Variants in PCDHA12 observed in about 807,000 individuals in gnomAD.
The protein encoded by PCDHA12 is protocadherin alpha-12.
PCDHA12 carries 44 observed loss-of-function variants against 60.0 expected under a neutral mutation model. The observed-to-expected ratio is 0.73, with a 90% confidence interval of 0.58 to 0.94. The LOEUF is 0.94. Ranked by LOEUF, PCDHA12 falls within the 40% of genes least tolerant of loss-of-function variation. PCDHA12 has a pLI of 0.00. For missense variants in PCDHA12, 1,276 were observed against 1,239.7 expected (o/e 1.03, Z -0.44); for synonymous variants, 569 against 553.0 (o/e 1.03, Z -0.40).
chr5:140,997,349 G>A (rs954510019), intron 3 of PCDHA12, among the ~76,000 whole-genome samples: 3 of 152,256 alleles, frequency 2.0e-5, no homozygotes, highest in South Asian at 2.1e-4. Context: ...ATCATAGAAT[G>A]TACTTACATA....
chr5:140,929,557 A>G (rs782792383), intron 1 of PCDHA12: 64 of 478,142 alleles, frequency 1.3e-4, no homozygotes, highest in Non-Finnish European at 1.9e-4. Flanking sequence ...ATTAAAACCT[A>G]TTTAAGAACA....
At chr5:140,975,938 T>C (rs2096690603) in intron 1 of PCDHA12, among the ~76,000 whole-genome samples, 1 of 152,160 alleles carries the variant, frequency 6.6e-6, no homozygotes, top group Admixed American at 6.5e-5. Context: ...TTTGAAGCAA[T>C]AGGACATATT....
At chr5:140,897,378 C>T (rs992566047) in intron 1 of PCDHA12, among the ~76,000 whole-genome samples, 8 of 144,246 alleles carry the variant, frequency 5.5e-5, no homozygotes, top group Admixed American at 4.3e-4. Context: ...GTTCCCTTCC[C>T]CTTCCTGTGT....
At chr5:140,914,809 T>G (rs532202561) in intron 1 of PCDHA12, among the ~76,000 whole-genome samples, 21 of 152,314 alleles carry the variant, frequency 1.4e-4, no homozygotes, top group African/African-American at 5.1e-4. Flanking sequence ...TGATGGCAAC[T>G]TAACAGACTG....
chr5:140,928,084 C>T (rs782346696), intron 1 of PCDHA12: 2 of 1,614,232 alleles, frequency 1.2e-6, no homozygotes, highest in Non-Finnish European at 1.7e-6. Context: ...CTACAGCCTG[C>T]TGATTGATGG....
chr5:140,951,863 C>T (rs991949987), intron 1 of PCDHA12, among the ~76,000 whole-genome samples: 10 of 152,096 alleles, frequency 6.6e-5, no homozygotes, highest in Non-Finnish European at 7.3e-5. Flanking sequence ...TCCAAAGTCT[C>T]ATCTGAGACA....
intron 3 of PCDHA12, among the ~76,000 whole-genome samples, chr5:141,006,247 T>C (rs1554260651): frequency 2.0e-5 from 3 of 152,126 alleles, no homozygotes; most frequent in Non-Finnish European, 2.9e-5. Context: ...AGTCTTGCTC[T>C]GTTGCCCAGG....
In PCDHA12 at chr5:141,010,329, G is replaced by C; in HGVS notation, c.*392G>C. On this transcript the variant is annotated 3_prime_UTR_variant, in exon 4 of 4. Coordinates refer to ENST00000398631, the MANE Select transcript of PCDHA12 (RefSeq NM_018903.4). ...AGTTTTGAGATTGAGCAGCTTGGGAGTTTGTGGCCACTGGGTATGTGTGGC... is the reference window on the plus strand; with the variant it reads ...AGTTTTGAGATTGAGCAGCTTGGGACTTTGTGGCCACTGGGTATGTGTGGC... 6.5e-7 allele frequency: 1 copy of C among 1,538,672 alleles called. No individual in the cohort carries two copies. Among genetic ancestry groups the C allele is most frequent in the Non-Finnish European group, 8.8e-7 (1 of 1,142,532 alleles).
intron 3 of PCDHA12, among the ~76,000 whole-genome samples, chr5:140,988,509 TA>T (rs2097301045): frequency 6.6e-6 from 1 of 152,170 alleles, no homozygotes; most frequent in Non-Finnish European, 1.5e-5. Flanking sequence ...CCATGAAGCT[TA>T]CTTAAGTCTC....
rs150544958 is a variant in PCDHA12, at chr5:140,940,065, T to C, written c.2368-38884T>C. ...TATTAGATTCTTAACCAAATATAAA[T>C]ATGTGATATCTTTCTGCTAAATTGA... On this transcript the variant is annotated intron_variant, in intron 1 of 3. Coordinates refer to ENST00000398631, the MANE Select transcript of PCDHA12 (RefSeq NM_018903.4). Among the ~76,000 whole-genome samples the C allele has an allele frequency of 2.1e-3, 313 of 152,364 alleles. 1 individual carries two copies. Among genetic ancestry groups the C allele is most frequent in the African/African-American group, 7.1e-3 (295 of 41,596 alleles).
intron 1 of PCDHA12, among the ~76,000 whole-genome samples, chr5:140,952,804 C>T (rs191550367): frequency 2.6e-5 from 4 of 152,282 alleles, no homozygotes; most frequent in Non-Finnish European, 5.9e-5. Flanking sequence ...GCTCGCAGTT[C>T]TGCAGGCTGT....
chr5:140,886,453 A>G (rs1047264611), intron 1 of PCDHA12, among the ~76,000 whole-genome samples: 1 of 152,140 alleles, frequency 6.6e-6, no homozygotes, highest in Non-Finnish European at 1.5e-5. Flanking sequence ...TAATTTTGTC[A>G]TATATAAATG....
chr5:140,903,859 T>C (rs2070674942), intron 1 of PCDHA12, among the ~76,000 whole-genome samples: 1 of 152,186 alleles, frequency 6.6e-6, no homozygotes, highest in Non-Finnish European at 1.5e-5. Context: ...ACAAATAATA[T>C]AGAGTAAAAT....
chr5:141,010,016 CT>C lies in PCDHA12; in HGVS notation c.*84del. 1 of 1,572,200 alleles carries C rather than the reference CT, an allele frequency of 6.4e-7. No homozygotes were observed. The highest frequency in any genetic ancestry group is 8.6e-7 in the Non-Finnish European group (1 of 1,163,240). On this transcript the variant is annotated 3_prime_UTR_variant, in exon 4 of 4. Transcript: ENST00000398631. Reference sequence around the variant, plus strand: ...TCTCCCATGTAGCAATTCCCTGCTCCTTTTTCCTATCTACATGAGCCCTCTT... The same window carrying C: ...TCTCCCATGTAGCAATTCCCTGCTCCTTTTCCTATCTACATGAGCCCTCTT...
rs2055496471 is a variant in PCDHA12 at position 140,875,445 on chromosome 5, C to A, written c.-28C>A. ...CAAGCGATCCCTTAAAACTGATTGT[C>A]CCAACTCAGAGGCCCTCATTTTCTG... On this transcript the variant is annotated 5_prime_UTR_variant, in exon 1 of 4. Coordinates refer to ENST00000398631, the MANE Select transcript of PCDHA12 (RefSeq NM_018903.4). 1 of 1,582,278 alleles carries A rather than the reference C, an allele frequency of 6.3e-7. No individual in the cohort carries two copies. Among genetic ancestry groups the A allele is most frequent in the Middle Eastern group, 1.7e-4 (1 of 5,866 alleles).
chr5:140,900,543 C>T (rs889758586), intron 1 of PCDHA12, among the ~76,000 whole-genome samples: 2 of 152,210 alleles, frequency 1.3e-5, no homozygotes, highest in African/African-American at 4.8e-5. Context: ...TTCCAAAGTG[C>T]TGGGATTACA....
intron 1 of PCDHA12, among the ~76,000 whole-genome samples, chr5:140,978,584 C>G (rs2096810786): frequency 6.6e-6 from 1 of 152,186 alleles, no homozygotes; most frequent in African/African-American, 2.4e-5. Flanking sequence ...TGGGAATGTT[C>G]CCTTAATGGG....
chr5:140,990,189 A>C (rs2097379694), intron 3 of PCDHA12, among the ~76,000 whole-genome samples: 1 of 152,218 alleles, frequency 6.6e-6, no homozygotes, highest in Non-Finnish European at 1.5e-5. Flanking sequence ...TAAGAACCAA[A>C]TGTGGACCCG....
chr5:140,910,869 C>T (rs2153516135), intron 1 of PCDHA12, among the ~76,000 whole-genome samples: 1 of 152,264 alleles, frequency 6.6e-6, no homozygotes, highest in Non-Finnish European at 1.5e-5. Context: ...CCACCATTAT[C>T]CCACACCCTT....
Sources: allele counts gnomAD v4.1 joint callset (sites outside exome capture counted in the v4.1 genomes callset), GRCh38; gene constraint gnomAD v4.1.1; transcripts MANE v1.5; gene names NCBI Gene and HGNC (gene_info 2026-07-23, HGNC 2026-07-21).